The following CDK5RAP2 variants were observed in gnomAD, a reference collection of about 807,000 sequenced individuals.
CDK5RAP2 encodes the protein CDK5 regulatory subunit associated protein 2.
In CDK5RAP2, 147 loss-of-function variants were observed where a neutral mutation model predicts 232.9. The ratio of observed to expected loss-of-function variants is 0.63; its 90% CI spans 0.55 to 0.72. CDK5RAP2 has a LOEUF of 0.72. Among genes scored for constraint, CDK5RAP2 ranks in the 30% least tolerant of loss-of-function variants. CDK5RAP2 has a pLI of 0.00. For missense variants in CDK5RAP2, 2,195 were observed against 2,231.5 expected, an observed-to-expected ratio of 0.98 and a Z score of 0.33; for synonymous variants, 833 against 833.7, an observed-to-expected ratio of 1.00 and a Z score of 0.01.
intron 12 of CDK5RAP2, chr9:120,517,839 C>T: frequency 5.3e-6 from 2 of 380,934 alleles, no homozygotes; most frequent in Non-Finnish European, 1.0e-5. Context: ...GTGGGAGGAT[C>T]ACTTGAGCCC....
At chr9:120,543,782 C>T (rs2041733851) in intron 5 of CDK5RAP2, among the ~76,000 whole-genome samples, 2 of 152,184 alleles carry the variant, frequency 1.3e-5, no homozygotes, top group East Asian at 1.9e-4. Context: ...CGCCTGGACC[C>T]AGGAGGCGGA....
At chr9:120,473,435 A>T (rs2037830706) in intron 15 of CDK5RAP2, among the ~76,000 whole-genome samples, 1 of 152,246 alleles carries the variant, frequency 6.6e-6, no homozygotes, top group Non-Finnish European at 1.5e-5. Flanking sequence ...GGTTAGAGGC[A>T]ATTACTCCAA....
In CDK5RAP2 at chr9:120,579,966, C is replaced by T; in HGVS notation, c.13G>A (p.Val5Met). 6.2e-7 allele frequency: 1 copy of T among 1,612,172 alleles called. No individual in the cohort carries two copies. Among genetic ancestry groups the T allele is most frequent in the African/African-American group, 1.3e-5 (1 of 75,030 alleles). Residue 5 changes from valine to methionine, a missense_variant, in exon 1 of 38, where the codon GTG becomes ATG. By Grantham distance (21) the Val-to-Met change is conservative. Transcript: ENST00000349780. ...GGGACGGTGACGTCCTCTTCCAACA[C>T]CAAGTCCATCATGGCTACAGAGGTG... is the stretch of plus-strand genomic sequence containing the variant. MMDLVLEEDVTVPGT... is the reference protein window; with the variant it reads MMDLMLEEDVTVPGT...
At chr9:120,400,413 G>T (rs1257852938) in intron 35 of CDK5RAP2, among the ~76,000 whole-genome samples, 2 of 152,214 alleles carry the variant, frequency 1.3e-5, no homozygotes, top group Non-Finnish European at 1.5e-5. Context: ...TAAAATAAAA[G>T]AATAAACATT....
At chr9:120,535,785 C>T (rs763802288) in intron 7 of CDK5RAP2, among the ~76,000 whole-genome samples, 1 of 152,208 alleles carries the variant, frequency 6.6e-6, no homozygotes, top group Non-Finnish European at 1.5e-5. Flanking sequence ...CCCATTTTAT[C>T]GTGGATCATC....
intron 12 of CDK5RAP2, among the ~76,000 whole-genome samples, chr9:120,510,616 C>A (rs2040034652): frequency 6.6e-6 from 1 of 152,144 alleles, no homozygotes; most frequent in African/African-American, 2.4e-5. Context: ...TTTCTGGGCT[C>A]TGACAATGTA....
rs575676862 is a variant in CDK5RAP2 at position 120,462,807 on chromosome 9, C to T, written c.2107-2140G>A. On this transcript the variant is annotated intron_variant, in intron 18 of 37. Coordinates refer to ENST00000349780, the MANE Select transcript of CDK5RAP2 (RefSeq NM_018249.6). ...GGGGTTTGCCTTACACAGGCACATACACTTGTAAAACTTAGTGAACGCAGG... is the reference window on the plus strand; with the variant it reads ...GGGGTTTGCCTTACACAGGCACATATACTTGTAAAACTTAGTGAACGCAGG... 1.4e-4 allele frequency among the ~76,000 whole-genome samples: 22 copies of T among 152,302 alleles called. No homozygotes were observed. In the South Asian group the frequency reaches 1.4e-3, roughly 10 times the overall value.
At chr9:120,505,011 T>C (rs1420584006) in intron 12 of CDK5RAP2, among the ~76,000 whole-genome samples, 3 of 152,200 alleles carry the variant, frequency 2.0e-5, no homozygotes, top group Non-Finnish European at 2.9e-5. Flanking sequence ...TGCTGGGCAC[T>C]TTACCCATCA....
intron 11 of CDK5RAP2, among the ~76,000 whole-genome samples, chr9:120,523,000 A>G (rs990332099): frequency 1.3e-5 from 2 of 152,242 alleles, no homozygotes; most frequent in African/African-American, 4.8e-5. Flanking sequence ...GACAGACTTG[A>G]GTTCAAGTCC....
At chr9:120,498,627 A>T (rs1452646021) in intron 12 of CDK5RAP2, among the ~76,000 whole-genome samples, 1 of 152,158 alleles carries the variant, frequency 6.6e-6, no homozygotes, top group Non-Finnish European at 1.5e-5. Context: ...GTAATGCAAA[A>T]TGTTAACACT....
chr9:120,400,695 G>A, intron 35 of CDK5RAP2, 47 bp downstream of exon 35: 1 of 1,609,436 alleles, frequency 6.2e-7, no homozygotes, highest in Non-Finnish European at 8.5e-7. Context: ...CTGAGACACA[G>A]GCCCCAGTGG....
intron 13 of CDK5RAP2, among the ~76,000 whole-genome samples, chr9:120,489,388 T>C (rs2038775323): frequency 1.3e-5 from 2 of 152,222 alleles, no homozygotes; most frequent in African/African-American, 4.8e-5. Flanking sequence ...GAAATAGTTG[T>C]CCTTCCATTC....
At chr9:120,572,879 T>C (rs1048286663) in intron 1 of CDK5RAP2, among the ~76,000 whole-genome samples, 2 of 152,246 alleles carry the variant, frequency 1.3e-5, no homozygotes, top group African/African-American at 4.8e-5. Flanking sequence ...TATAAAAGAT[T>C]TACCATCATT....
intron 35 of CDK5RAP2, among the ~76,000 whole-genome samples, chr9:120,395,116 G>T (rs949898348): frequency 1.3e-5 from 2 of 152,204 alleles, no homozygotes; most frequent in Non-Finnish European, 2.9e-5. Flanking sequence ...AAATGACGTT[G>T]TAGAGCTCTA....
intron 35 of CDK5RAP2, among the ~76,000 whole-genome samples, chr9:120,397,240 G>A (rs1363999706): frequency 6.6e-6 from 1 of 152,078 alleles, no homozygotes; most frequent in African/African-American, 2.4e-5. Context: ...ACTGGATAAT[G>A]AACGCCCAAG....
intron 3 of CDK5RAP2, among the ~76,000 whole-genome samples, chr9:120,551,459 T>G (rs1013952602): frequency 1.3e-5 from 2 of 152,196 alleles, no homozygotes; most frequent in African/African-American, 4.8e-5. Context: ...AAAATTCATC[T>G]CTTATCACCA....
At chr9:120,557,689 G>T (rs1471642664) in intron 3 of CDK5RAP2, among the ~76,000 whole-genome samples, 1 of 151,722 alleles carries the variant, frequency 6.6e-6, no homozygotes, top group Non-Finnish European at 1.5e-5. Flanking sequence ...AGGCCAGGAG[G>T]TCGAAGCTAC....
intron 5 of CDK5RAP2, among the ~76,000 whole-genome samples, chr9:120,540,319 A>C (rs565810767): frequency 6.6e-6 from 1 of 152,314 alleles, no homozygotes; most frequent in East Asian, 1.9e-4. Flanking sequence ...GTTTCTCAGA[A>C]AAACTGCAAC....
At chr9:120,414,576 G>C (rs1027584275) in intron 28 of CDK5RAP2, among the ~76,000 whole-genome samples, 1 of 152,114 alleles carries the variant, frequency 6.6e-6, no homozygotes, top group Non-Finnish European at 1.5e-5. Context: ...GGGAAAACAG[G>C]GTTAATGGGT....
Sources: gnomAD v4.1 joint callset for allele counts (sites outside exome capture counted in the v4.1 genomes callset) on GRCh38, gnomAD v4.1.1 for gene constraint, MANE v1.5 for transcripts, NCBI Gene and HGNC (gene_info 2026-07-23, HGNC 2026-07-21) for gene names.